H3C8: variants seen among roughly 807,000 people sequenced by gnomAD.
H3C8 encodes the protein histone H3.1.
H3C8 carries 15 observed loss-of-function variants against 7.9 expected under a neutral mutation model. That is an observed-to-expected ratio of 1.90 (90% CI 1.27 to 2.93). The LOEUF is 2.93. Ranked by LOEUF, H3C8 falls within the 30% of genes most tolerant of loss-of-function variation. The probability of loss-of-function intolerance (pLI) is 0.00; values close to 1 mark genes in which losing one functional copy is unlikely to be tolerated. For missense variants in H3C8, 230 were observed against 190.4 expected, an observed-to-expected ratio of 1.21 and a Z score of -1.23; for synonymous variants, 143 against 77.6, an observed-to-expected ratio of 1.84 and a Z score of -4.43.
chr6:26,271,400 A>G lies in H3C8; in HGVS notation c.-16T>C. The G allele has an allele frequency of 1.3e-6, 2 of 1,593,374 alleles. No individual in the cohort carries two copies. The highest frequency in any genetic ancestry group is 1.7e-4 in the Middle Eastern group (1 of 5,990). On this transcript the variant is annotated 5_prime_UTR_variant, in exon 1 of 1. Transcript: ENST00000614378. Reference sequence around the variant, plus strand: ...TGCGGGCCATCTCAGACTACCTGAAAGAAAAACTCAGCCACTTGGCAGAGT... The same window carrying G: ...TGCGGGCCATCTCAGACTACCTGAAGGAAAAACTCAGCCACTTGGCAGAGT...
At position 26,271,311 on chromosome 6, in the gene H3C8, G is replaced by A. The variant is rs373915652; in HGVS notation, c.74C>T (p.Ala25Val). ...KAPRKQLATK[A>V]ARKSAPATGG... ...GGTGGCCGGCGCGCTTTTCCGAGCCGCCTTAGTGGCCAGCTGCTTGCGCGG... is the reference window on the plus strand; with the variant it reads ...GGTGGCCGGCGCGCTTTTCCGAGCCACCTTAGTGGCCAGCTGCTTGCGCGG... Residue 25 changes from alanine to valine, a missense_variant, in exon 1 of 1, where the codon GCG becomes GTG. Coordinates refer to ENST00000614378, the MANE Select transcript of H3C8 (RefSeq NM_003534.3). The A allele has an allele frequency of 2.5e-6, 4 of 1,613,944 alleles. No homozygotes were observed. Among genetic ancestry groups the A allele is most frequent in the South Asian group, 1.1e-5 (1 of 91,078 alleles).
In H3C8 at chr6:26,271,207, C is replaced by T; in HGVS notation, c.178G>A (p.Glu60Lys). The T allele has an allele frequency of 6.2e-7, 1 of 1,614,272 alleles. No homozygotes were observed. Residue 60 changes from glutamate to lysine, a missense_variant, in exon 1 of 1, where the codon GAG becomes AAG. Physicochemically the swap from Glu to Lys is moderately conservative, Grantham distance 56. Coordinates refer to ENST00000614378, the MANE Select transcript of H3C8 (RefSeq NM_003534.3). The part of the protein sequence containing the change: ...REIRRYQKST[E>K]LLIRKLPFQR... ...AAAGGCAACTTGCGGATCAGCAGCTCAGTCGACTTCTGATAGCGGCGAATC... is the reference window on the plus strand; with the variant it reads ...AAAGGCAACTTGCGGATCAGCAGCTTAGTCGACTTCTGATAGCGGCGAATC...
At position 26,271,221 on chromosome 6, in the gene H3C8, T is replaced by G; in HGVS notation, c.164A>C (p.Tyr55Ser). 1 of 1,614,242 alleles carries G rather than the reference T, an allele frequency of 6.2e-7. No individual in the cohort carries two copies. Among genetic ancestry groups the G allele is most frequent in the Non-Finnish European group, 8.5e-7 (1 of 1,180,034 alleles). Residue 55 changes from tyrosine to serine, a missense_variant, in exon 1 of 1, where the codon TAT (tyrosine) becomes TCT (serine). Tyr to Ser is a moderately radical substitution (Grantham distance 144). Coordinates refer to ENST00000614378, the MANE Select transcript of H3C8 (RefSeq NM_003534.3). ...GTVALREIRR[Y>S]QKSTELLIRK... ...GATCAGCAGCTCAGTCGACTTCTGA[T>G]AGCGGCGAATCTCGCGCAGAGCCAC...
In H3C8 at chr6:26,271,401, G is replaced by A. The variant is rs377449596; in HGVS notation, c.-17C>T. The stretch of plus-strand genomic sequence containing the variant: ...GCGGGCCATCTCAGACTACCTGAAA[G>A]AAAAACTCAGCCACTTGGCAGAGTG... On this transcript the variant is annotated 5_prime_UTR_variant, in exon 1 of 1. Coordinates refer to ENST00000614378, the MANE Select transcript of H3C8 (RefSeq NM_003534.3). The A allele has an allele frequency of 1.5e-4, 235 of 1,592,764 alleles. 2 individuals are homozygous for A. The South Asian group carries it at 2.3e-3, about 16-fold the overall frequency.
rs1419025630 is a variant in H3C8, at chr6:26,270,928, T to C, written c.*46A>G. On this transcript the variant is annotated 3_prime_UTR_variant, in exon 1 of 1. Coordinates refer to ENST00000614378, the MANE Select transcript of H3C8 (RefSeq NM_003534.3). ...ATTTTCGGGTGAAAGTAGGCGGCTC[T>C]TAAAAGAGCCTTTTTAAGTTGGATA... The C allele has an allele frequency of 3.2e-6, 5 of 1,582,760 alleles. No homozygotes were observed. In the South Asian group the frequency reaches 3.5e-5, roughly 11 times the overall value.
In H3C8 at chr6:26,271,240, G is replaced by C; in HGVS notation, c.145C>G (p.Leu49Val). ...PHRYRPGTVA[L>V]REIRRYQKST... ...TTCTGATAGCGGCGAATCTCGCGCA[G>C]AGCCACGGTGCCGGGACGGTAGCGA... is the stretch of plus-strand genomic sequence containing the variant. The change falls in exon 1 of 1, where the codon CTG becomes GTG. Residue 49 changes from leucine to valine, a missense_variant. Coordinates refer to ENST00000614378, the MANE Select transcript of H3C8 (RefSeq NM_003534.3). 6.2e-7 allele frequency: 1 copy of C among 1,614,268 alleles called. No individual in the cohort carries two copies. The highest frequency in any genetic ancestry group is 8.5e-7 in the Non-Finnish European group (1 of 1,180,040).
Position 26,270,978 on chromosome 6 carries a change from G to T in H3C8, c.407C>A (p.Ala136Glu). The change falls in exon 1 of 1, where the codon GCG (alanine) becomes GAG (glutamate). Residue 136 changes from alanine (A) to glutamate (E), a missense_variant. By Grantham distance (107) the Ala-to-Glu change is moderately radical. Transcript: ENST00000614378. Reference protein sequence around the residue: ...QLARRIRGERA With the variant: ...QLARRIRGERE The stretch of plus-strand genomic sequence containing the variant: ...AGAATTACTGCCCGGAAACCTCTAC[G>T]CTCTCTCCCCACGAATGCGGCGAGC... 1 of 1,614,008 alleles carries T rather than the reference G, an allele frequency of 6.2e-7. No homozygotes were observed.
rs146261649 is a variant in H3C8, at chr6:26,271,171, C to T, written c.214G>A (p.Val72Met). The change falls in exon 1 of 1, where the codon GTG becomes ATG. Residue 72 changes from valine to methionine, a missense_variant. Transcript: ENST00000614378. ...TTGAAGTCCTGAGCGATTTCTCGCA[C>T]CAGGCGTTGGAAAGGCAACTTGCGG... ...LIRKLPFQRL[V>M]REIAQDFKTD... is the part of the protein sequence containing the mutation. 197 of 1,614,128 alleles carry T rather than the reference C, an allele frequency of 1.2e-4. No individual in the cohort carries two copies. The highest frequency in any genetic ancestry group is 9.9e-4 in the Middle Eastern group (6 of 6,084).
Position 26,271,303 on chromosome 6 carries a change from T to TCCGAG in H3C8, c.77_81dup (p.Lys28LeufsTer11). Reference sequence around the variant, plus strand: ...ACGCCGCCGGTGGCCGGCGCGCTTTTCCGAGCCGCCTTAGTGGCCAGCTGC... The same window carrying TCCGAG: ...ACGCCGCCGGTGGCCGGCGCGCTTTTCCGAGCCGAGCCGCCTTAGTGGCCAGCTGC... On this transcript the variant is annotated frameshift_variant, in exon 1 of 1. Coordinates refer to ENST00000614378, the MANE Select transcript of H3C8 (RefSeq NM_003534.3). LOFTEE classifies it high-confidence loss of function. The TCCGAG allele has an allele frequency of 6.2e-7, 1 of 1,613,970 alleles. No individual in the cohort carries two copies.
rs1166564338 is a variant in H3C8, at chr6:26,271,076, C to G, written c.309G>C (p.Gly103=). Residue 103 remains glycine (G), a synonymous_variant, in exon 1 of 1, where the codon GGG becomes GGC. Transcript: ENST00000614378. ...CACACAGGTTGGTATCCTCAAAGAG[C>G]CCCACCAAGTAGGCCTCGCAGGCCT... ...LQEACEAYLV[G]LFEDTNLCAI... 2 of 1,614,100 alleles carry G rather than the reference C, an allele frequency of 1.2e-6. No homozygotes were observed. The highest frequency in any genetic ancestry group is 1.7e-5 in the Admixed American group (1 of 60,006).
chr6:26,271,118 C>A lies in H3C8; in HGVS notation c.267G>T (p.Ala89=). Residue 89 remains alanine (A), a synonymous_variant, in exon 1 of 1, where the codon GCG becomes GCT. Transcript: ENST00000614378. ...FKTDLRFQSS[A]VMALQEACEA... ...CGCAGGCCTCCTGCAGGGCCATCAC[C>A]GCGGAACTCTGAAAGCGCAGATCTG... is the stretch of plus-strand genomic sequence containing the variant. 1 of 1,614,238 alleles carries A rather than the reference C, an allele frequency of 6.2e-7. No homozygotes were observed. Among genetic ancestry groups the A allele is most frequent in the East Asian group, 2.2e-5 (1 of 44,888 alleles).
chr6:26,271,343 G>A lies in H3C8; in HGVS notation c.42C>T (p.Gly14=), dbSNP rs1380769315. 6 of 1,613,512 alleles carry A rather than the reference G, an allele frequency of 3.7e-6. No homozygotes were observed. Among genetic ancestry groups the A allele is most frequent in the Middle Eastern group, 1.6e-4 (1 of 6,084 alleles). Residue 14 remains glycine (G), a synonymous_variant, in exon 1 of 1, where the codon GGC becomes GGT. Transcript: ENST00000614378. Reference sequence around the variant, plus strand: ...TGGCCAGCTGCTTGCGCGGCGCTTTGCCACCGGTGGACTTGCGTGCAGTCT... The same window carrying A: ...TGGCCAGCTGCTTGCGCGGCGCTTTACCACCGGTGGACTTGCGTGCAGTCT... ...TKQTARKSTG[G]KAPRKQLATK...
chr6:26,271,019 G>A lies in H3C8; in HGVS notation c.366C>T (p.Pro122=), dbSNP rs766931667. The change falls in exon 1 of 1, where the codon CCC becomes CCT. Residue 122 remains proline (P), a synonymous_variant. Coordinates refer to ENST00000614378, the MANE Select transcript of H3C8 (RefSeq NM_003534.3). ...AIHAKRVTIM[P]KDIQLARRIR... ...TGCGGCGAGCGAGCTGAATGTCCTTGGGCATGATAGTCACTCGCTTAGCAT... is the reference window on the plus strand; with the variant it reads ...TGCGGCGAGCGAGCTGAATGTCCTTAGGCATGATAGTCACTCGCTTAGCAT... 1.2e-6 allele frequency: 2 copies of A among 1,614,224 alleles called. No homozygotes were observed. The highest frequency in any genetic ancestry group is 1.7e-6 in the Non-Finnish European group (2 of 1,180,038).
chr6:26,271,122 G>C lies in H3C8; in HGVS notation c.263C>G (p.Ser88Cys), dbSNP rs532386575. Reference sequence around the variant, plus strand: ...GGCCTCCTGCAGGGCCATCACCGCGGAACTCTGAAAGCGCAGATCTGTCTT... The same window carrying C: ...GGCCTCCTGCAGGGCCATCACCGCGCAACTCTGAAAGCGCAGATCTGTCTT... ...DFKTDLRFQS[S>C]AVMALQEACE... The change falls in exon 1 of 1, where the codon TCC becomes TGC. Residue 88 changes from serine (S) to cysteine (C), a missense_variant. Coordinates refer to ENST00000614378, the MANE Select transcript of H3C8 (RefSeq NM_003534.3). 6.2e-7 allele frequency: 1 copy of C among 1,614,256 alleles called. No individual in the cohort carries two copies. The highest frequency in any genetic ancestry group is 8.5e-7 in the Non-Finnish European group (1 of 1,180,044).
chr6:26,271,253 G>A lies in H3C8; in HGVS notation c.132C>T (p.Pro44=), dbSNP rs994322247. The A allele has an allele frequency of 3.7e-6, 6 of 1,614,122 alleles. No homozygotes were observed. Among genetic ancestry groups the A allele is most frequent in the Admixed American group, 3.3e-5 (2 of 60,012 alleles). The part of the protein sequence containing the change: ...GGVKKPHRYR[P]GTVALREIRR... The stretch of plus-strand genomic sequence containing the variant: ...GAATCTCGCGCAGAGCCACGGTGCC[G>A]GGACGGTAGCGATGAGGTTTCTTCA... Residue 44 remains proline, a synonymous_variant, in exon 1 of 1, where the codon CCC becomes CCT. Coordinates refer to ENST00000614378, the MANE Select transcript of H3C8 (RefSeq NM_003534.3).
At position 26,271,177 on chromosome 6, in the gene H3C8, G is replaced by A. The variant is rs139443021; in HGVS notation, c.208C>T (p.Arg70Cys). The A allele has an allele frequency of 3.1e-6, 5 of 1,614,276 alleles. No homozygotes were observed. Among genetic ancestry groups the A allele is most frequent in the South Asian group, 2.2e-5 (2 of 91,092 alleles). ...ELLIRKLPFQ[R>C]LVREIAQDFK... ...TCCTGAGCGATTTCTCGCACCAGGC[G>A]TTGGAAAGGCAACTTGCGGATCAGC... is the stretch of plus-strand genomic sequence containing the variant. Residue 70 changes from arginine (R) to cysteine (C), a missense_variant, in exon 1 of 1, where the codon CGC becomes TGC. Arg to Cys is a radical substitution (Grantham distance 180, BLOSUM62 -3). Coordinates refer to ENST00000614378, the MANE Select transcript of H3C8 (RefSeq NM_003534.3).
chr6:26,271,025 G>T lies in H3C8; in HGVS notation c.360C>A (p.Ile120=). 6.2e-7 allele frequency: 1 copy of T among 1,614,236 alleles called. No homozygotes were observed. Among genetic ancestry groups the T allele is most frequent in the Non-Finnish European group, 8.5e-7 (1 of 1,180,032 alleles). Residue 120 remains isoleucine (I), a synonymous_variant, in exon 1 of 1, where the codon ATC becomes ATA. Coordinates refer to ENST00000614378, the MANE Select transcript of H3C8 (RefSeq NM_003534.3). The part of the protein sequence containing the change: ...LCAIHAKRVT[I]MPKDIQLARR... ...GAGCGAGCTGAATGTCCTTGGGCATGATAGTCACTCGCTTAGCATGGATGG... is the reference window on the plus strand; with the variant it reads ...GAGCGAGCTGAATGTCCTTGGGCATTATAGTCACTCGCTTAGCATGGATGG...
rs2113606637 is a variant in H3C8 at position 26,270,924 on chromosome 6, G to A, written c.*50C>T. 1.3e-6 allele frequency: 2 copies of A among 1,551,666 alleles called. No homozygotes were observed. Among genetic ancestry groups the A allele is most frequent in the South Asian group, 1.2e-5 (1 of 85,826 alleles). On this transcript the variant is annotated 3_prime_UTR_variant, in exon 1 of 1. Transcript: ENST00000614378. ...AGCTATTTTCGGGTGAAAGTAGGCG[G>A]CTCTTAAAAGAGCCTTTTTAAGTTG...
In H3C8 at chr6:26,271,224, C is replaced by T; in HGVS notation, c.161G>A (p.Arg54His). ...CAGCAGCTCAGTCGACTTCTGATAG[C>T]GGCGAATCTCGCGCAGAGCCACGGT... ...PGTVALREIR[R>H]YQKSTELLIR... The change falls in exon 1 of 1, where the codon CGC becomes CAC. Residue 54 changes from arginine to histidine, a missense_variant. Arg to His is a conservative substitution (Grantham distance 29, BLOSUM62 0). Coordinates refer to ENST00000614378, the MANE Select transcript of H3C8 (RefSeq NM_003534.3). 4 of 1,614,246 alleles carry T rather than the reference C, an allele frequency of 2.5e-6. No homozygotes were observed. Among genetic ancestry groups the T allele is most frequent in the Non-Finnish European group, 3.4e-6 (4 of 1,180,038 alleles).
Sources: allele counts gnomAD v4.1 joint callset, GRCh38; gene constraint gnomAD v4.1.1; transcripts MANE v1.5; gene names NCBI Gene and HGNC (gene_info 2026-07-23, HGNC 2026-07-21).